Variants in LINGO2 observed in about 807,000 individuals in gnomAD.
The protein encoded by LINGO2 is leucine rich repeat and Ig domain containing 2, also known as leucine-rich repeat and immunoglobulin-like domain-containing nogo receptor-interacting protein 2.
LINGO2 carries 14 observed loss-of-function variants against 30.6 expected under a neutral mutation model. The observed-to-expected ratio is 0.46, with a 90% CI of 0.30 to 0.72. LINGO2 has a LOEUF of 0.72. LINGO2 is among the 30% of genes least tolerant of loss of function. The probability of loss-of-function intolerance (pLI) is 0.07; values close to 1 mark genes in which losing one functional copy is unlikely to be tolerated. For synonymous variants in LINGO2, 317 were observed against 288.5 expected (o/e 1.10, Z -1.00); for missense variants, 729 against 751.7 (o/e 0.97, Z 0.35).
the LINGO2 span, among the ~76,000 whole-genome samples, chr9:28,822,418 C>T: frequency 2.0e-5 from 3 of 152,100 alleles, no homozygotes; most frequent in African/African-American, 7.2e-5. Context: ...ATGGTCAATA[C>T]AGAGTATCAG....
In LINGO2 at chr9:27,950,019, A is replaced by G. The variant is rs774855575; in HGVS notation, c.653T>C (p.Val218Ala). Residue 218 changes from valine to alanine, a missense_variant, in exon 6 of 6, where the codon GTG becomes GCG. Transcript: ENST00000379992. ...GTGGAACAATCTTTTAAAGGCATACACAGGCATATTGTTGATATTGAGATG... is the reference window on the plus strand; with the variant it reads ...GTGGAACAATCTTTTAAAGGCATACGCAGGCATATTGTTGATATTGAGATG... 5.0e-6 allele frequency: 8 copies of G among 1,614,116 alleles called. No homozygotes were observed. In the East Asian group the frequency reaches 1.8e-4, roughly 36 times the overall value.
intron 1 of LINGO2, among the ~76,000 whole-genome samples, chr9:28,559,910 C>T (rs550454119): frequency 1.6e-4 from 24 of 152,038 alleles, no homozygotes; most frequent in African/African-American, 5.8e-4. Context: ...CTTTCACCAG[C>T]TTAAAAATAC....
Position 28,148,627 on chromosome 9 carries a change from G to A in LINGO2, c.-86-136222C>T, listed in dbSNP as rs1056954465. 47 of 1,526,312 alleles carry A rather than the reference G, an allele frequency of 3.1e-5. No individual in the cohort carries two copies. Among genetic ancestry groups the A allele is most frequent in the Admixed American group, 3.9e-5 (2 of 50,960 alleles). 94.5% of individuals were successfully genotyped at this position (1,526,312 alleles called of 1,614,324 possible). A position where few individuals can be genotyped will look rare whatever the true frequency, so the allele number is the denominator to read the frequency against. ...CCTTGGAGGGAAATGTCCACCTCAA[G>A]AGCTTGACAGAAAACAACCAGACTG... On this transcript the variant is annotated intron_variant, in intron 4 of 5. Transcript: ENST00000379992. The surrounding 1 kb of genome is among the most constrained non-coding windows in gnomAD (Gnocchi z 5.1).
At chr9:28,165,850 C>A (rs1188094077) in intron 4 of LINGO2, among the ~76,000 whole-genome samples, 1 of 152,022 alleles carries the variant, frequency 6.6e-6, no homozygotes, top group Non-Finnish European at 1.5e-5. Context: ...GTTTTACATA[C>A]CAATAAGAAT....
intron 4 of LINGO2, among the ~76,000 whole-genome samples, chr9:28,092,423 A>G (rs1455445733): frequency 6.6e-6 from 1 of 151,970 alleles, no homozygotes; most frequent in Non-Finnish European, 1.5e-5. Context: ...GGAAACCATC[A>G]TTCTCAGCAA....
At chr9:28,576,172 C>G (rs528340645) in intron 1 of LINGO2, among the ~76,000 whole-genome samples, 2 of 152,328 alleles carry the variant, frequency 1.3e-5, no homozygotes, top group Non-Finnish European at 2.9e-5. Flanking sequence ...TTTGGCAACA[C>G]TGTACGCTCA....
chr9:28,661,457 T>C (rs554327004), intron 1 of LINGO2, among the ~76,000 whole-genome samples: 17 of 152,224 alleles, frequency 1.1e-4, no homozygotes, highest in African/African-American at 4.1e-4. Flanking sequence ...CCATTGACAA[T>C]AAATGATTGT....
chr9:28,923,973 T>A, the LINGO2 span, among the ~76,000 whole-genome samples: 3 of 152,196 alleles, frequency 2.0e-5, no homozygotes, highest in Non-Finnish European at 4.4e-5. Context: ...CACATGATCA[T>A]GCTCGGTCTA....
At chr9:28,370,233 T>C (rs771510458) in intron 3 of LINGO2, among the ~76,000 whole-genome samples, 7 of 152,226 alleles carry the variant, frequency 4.6e-5, no homozygotes, top group Admixed American at 6.5e-5. Context: ...AGGCATTCTC[T>C]ATTCTCTTCA....
chr9:28,209,842 T>C (rs1820530048), intron 4 of LINGO2, among the ~76,000 whole-genome samples: 1 of 151,826 alleles, frequency 6.6e-6, no homozygotes, highest in Non-Finnish European at 1.5e-5. Context: ...TGTATTTATA[T>C]TTTATTTCAA....
chr9:29,097,445 T>G, the LINGO2 span, among the ~76,000 whole-genome samples: 3 of 138,522 alleles, frequency 2.2e-5, 1 homozygote, highest in Non-Finnish European at 4.7e-5. Flanking sequence ...TACAAGTCAT[T>G]AAAAGTAAAT....
intron 1 of LINGO2, among the ~76,000 whole-genome samples, chr9:28,477,625 A>G (rs983380719): frequency 7.2e-5 from 11 of 152,128 alleles, no homozygotes; most frequent in Admixed American, 2.6e-4. Context: ...CAGGCTAATT[A>G]TAGCTAATAC....
chr9:28,311,656 G>C (rs558844936), intron 3 of LINGO2, among the ~76,000 whole-genome samples: 1 of 152,278 alleles, frequency 6.6e-6, no homozygotes, highest in East Asian at 1.9e-4. Flanking sequence ...CAGAGTTTAA[G>C]GTTATCTCTC....
the LINGO2 span, among the ~76,000 whole-genome samples, chr9:28,991,235 C>T: frequency 3.3e-5 from 5 of 150,972 alleles, no homozygotes; most frequent in African/African-American, 1.2e-4. Context: ...CCTCAGGAGC[C>T]GACGCGATCA....
At chr9:28,762,648 T>C in the LINGO2 span, among the ~76,000 whole-genome samples, 2 of 152,180 alleles carry the variant, frequency 1.3e-5, no homozygotes, top group Admixed American at 6.5e-5. Flanking sequence ...TCTGCGATCA[T>C]TGAACATCTC....
chr9:28,750,291 C>A, the LINGO2 span, among the ~76,000 whole-genome samples: 17 of 152,150 alleles, frequency 1.1e-4, no homozygotes, highest in African/African-American at 4.1e-4. Context: ...AACAACACCC[C>A]AGTCCCATAT....
the LINGO2 span, among the ~76,000 whole-genome samples, chr9:28,979,650 G>A: frequency 6.6e-6 from 1 of 151,738 alleles, no homozygotes; most frequent in East Asian, 1.9e-4. Context: ...TACATATGCG[G>A]GACTATGCCA....
At chr9:27,996,444 T>C (rs116234858) in intron 5 of LINGO2, among the ~76,000 whole-genome samples, 1,845 of 152,274 alleles carry the variant, frequency 0.012, 38 homozygotes, top group African/African-American at 0.042. Context: ...TGGAATACTA[T>C]TCAGCCATGA....
chr9:27,968,372 G>A (rs548292993), intron 5 of LINGO2, among the ~76,000 whole-genome samples: 7 of 151,904 alleles, frequency 4.6e-5, no homozygotes, highest in Non-Finnish European at 4.4e-5. Flanking sequence ...CTATTATGCA[G>A]GAATTAAAAT....
Sources: gnomAD v4.1 joint callset for allele counts (sites outside exome capture counted in the v4.1 genomes callset) on GRCh38, gnomAD v4.1.1 for gene constraint, Gnocchi (gnomAD v3.1) non-coding constraint, MANE v1.5 for transcripts, NCBI Gene and HGNC (gene_info 2026-07-23, HGNC 2026-07-21) for gene names.